FSHR: variants seen among roughly 807,000 people sequenced by gnomAD.
FSHR encodes the protein follicle stimulating hormone receptor.
FSHR carries 46 observed loss-of-function variants against 52.1 expected under a neutral mutation model. That is an observed-to-expected ratio of 0.88 (90% CI 0.70 to 1.13). FSHR has a LOEUF of 1.13. Ranked by LOEUF, FSHR falls within the 50% of genes most tolerant of loss-of-function variation. The pLI, the probability that FSHR is intolerant of heterozygous loss-of-function variation, is 0.00. For missense variants in FSHR, 964 were observed against 834.6 expected, an observed-to-expected ratio of 1.16 and a Z score of -1.91; for synonymous variants, 399 against 309.6, an observed-to-expected ratio of 1.29 and a Z score of -3.03.
At position 49,075,452 on chromosome 2, in the gene FSHR, C is replaced by G. The variant is rs1325468302; in HGVS notation, c.153-7162G>C. Among the ~76,000 whole-genome samples, 5 of 151,852 alleles carry G rather than the reference C, an allele frequency of 3.3e-5. No homozygotes were observed. In the East Asian group the frequency reaches 7.8e-4, roughly 24 times the overall value. On this transcript the variant is annotated intron_variant, in intron 1 of 9. Coordinates refer to ENST00000406846, the MANE Select transcript of FSHR (RefSeq NM_000145.4). ...TAAAAATAACAATAAACAAGATCAACAACAGCAAAAGCTAATTCTTTGGAA... is the reference window on the plus strand; with the variant it reads ...TAAAAATAACAATAAACAAGATCAAGAACAGCAAAAGCTAATTCTTTGGAA...
intron 1 of FSHR, among the ~76,000 whole-genome samples, chr2:49,151,508 T>A (rs2103862717): frequency 6.6e-6 from 1 of 152,216 alleles, no homozygotes; most frequent in East Asian, 1.9e-4. Flanking sequence ...TTAGCAATCT[T>A]TCGTGATAGC....
At chr2:49,114,083 T>C (rs993432143) in intron 1 of FSHR, among the ~76,000 whole-genome samples, 7 of 152,144 alleles carry the variant, frequency 4.6e-5, no homozygotes, top group Admixed American at 6.6e-5. Context: ...CCTCTCTCAC[T>C]GAAGACTTGC....
intron 1 of FSHR, among the ~76,000 whole-genome samples, chr2:49,087,984 A>G (rs1198290033): frequency 6.6e-6 from 1 of 152,220 alleles, no homozygotes; most frequent in Non-Finnish European, 1.5e-5. Context: ...CACTGTGCTA[A>G]ATATTTCATT....
intron 9 of FSHR, among the ~76,000 whole-genome samples, chr2:48,966,365 A>G (rs1488239813): frequency 6.6e-6 from 1 of 152,228 alleles, no homozygotes; most frequent in Non-Finnish European, 1.5e-5. Flanking sequence ...TTTTTATTGT[A>G]TTTAACATTA....
intron 1 of FSHR, among the ~76,000 whole-genome samples, chr2:49,092,389 C>A (rs1316174530): frequency 6.6e-6 from 1 of 152,132 alleles, no homozygotes; most frequent in Non-Finnish European, 1.5e-5. Context: ...ATTACCCTAG[C>A]AAAGGCTTCT....
chr2:49,103,949 G>C lies in FSHR; in HGVS notation c.153-35659C>G, dbSNP rs947204599. Among the ~76,000 whole-genome samples the C allele has an allele frequency of 2.0e-5, 3 of 149,922 alleles. No individual in the cohort carries two copies. The Admixed American group carries it at 2.0e-4, about 10-fold the overall frequency. ...TTTTCCCCAAAGCTCAAATGTCATG[G>C]ATTATTGTGACTAGGTGGGCTATGT... is the stretch of plus-strand genomic sequence containing the variant. On this transcript the variant is annotated intron_variant, in intron 1 of 9. Transcript: ENST00000406846.
intron 8 of FSHR, among the ~76,000 whole-genome samples, chr2:48,974,444 T>A (rs1674892132): frequency 1.3e-5 from 2 of 152,328 alleles, no homozygotes; most frequent in East Asian, 3.9e-4. Context: ...ACATGGTGGC[T>A]TTGATGCTGT....
intron 4 of FSHR, among the ~76,000 whole-genome samples, chr2:49,011,704 C>T (rs1667280696): frequency 6.6e-6 from 1 of 152,050 alleles, no homozygotes; most frequent in Non-Finnish European, 1.5e-5. Context: ...GCCGATTATA[C>T]AAGCTTATGC....
intron 1 of FSHR, among the ~76,000 whole-genome samples, chr2:49,110,392 C>G (rs997314552): frequency 6.6e-6 from 1 of 152,044 alleles, no homozygotes; most frequent in Non-Finnish European, 1.5e-5. Flanking sequence ...TCTCTGCATA[C>G]TAAAGTTCAG....
In FSHR at chr2:49,108,159, G is replaced by A. The variant is rs189901082; in HGVS notation, c.153-39869C>T. 7.9e-5 allele frequency among the ~76,000 whole-genome samples: 12 copies of A among 152,222 alleles called. No homozygotes were observed. In the East Asian group the frequency reaches 2.3e-3, roughly 29 times the overall value. On this transcript the variant is annotated intron_variant, in intron 1 of 9. Transcript: ENST00000406846. ...CATCCCTTTTGCTTCCTGCCTGCCTGCTTAAGCTGAGACACTGGTCTTCTC... is the reference window on the plus strand; with the variant it reads ...CATCCCTTTTGCTTCCTGCCTGCCTACTTAAGCTGAGACACTGGTCTTCTC...
At chr2:49,137,025 G>T (rs1672512364) in intron 1 of FSHR, among the ~76,000 whole-genome samples, 1 of 151,970 alleles carries the variant, frequency 6.6e-6, no homozygotes, top group African/African-American at 2.4e-5. Context: ...AATTAGACAA[G>T]AAAAAGTAAT....
At chr2:48,983,860 C>T (rs1675369180) in intron 6 of FSHR, among the ~76,000 whole-genome samples, 1 of 152,018 alleles carries the variant, frequency 6.6e-6, no homozygotes, top group Admixed American at 6.6e-5. Flanking sequence ...GTAGAACAGC[C>T]ATCCTGATTG....
chr2:49,005,531 T>C, intron 4 of FSHR, among the ~76,000 whole-genome samples: 1 of 152,230 alleles, frequency 6.6e-6, no homozygotes, highest in Admixed American at 6.5e-5. Context: ...ATGTCTGGAT[T>C]CTCGATGAGT....
At chr2:49,012,043 A>C (rs1484001483) in intron 4 of FSHR, among the ~76,000 whole-genome samples, 1 of 152,072 alleles carries the variant, frequency 6.6e-6, no homozygotes, top group East Asian at 1.9e-4. Flanking sequence ...AGCCATTAAC[A>C]GGCATCATAA....
At chr2:48,971,716 T>A (rs763146791) in intron 8 of FSHR, among the ~76,000 whole-genome samples, 2 of 152,244 alleles carry the variant, frequency 1.3e-5, no homozygotes, top group Non-Finnish European at 2.9e-5. Flanking sequence ...ACAATGATTT[T>A]GGATTTGTAT....
intron 1 of FSHR, among the ~76,000 whole-genome samples, chr2:49,135,082 A>G (rs995805254): frequency 1.3e-5 from 2 of 152,326 alleles, no homozygotes. Context: ...TCAAGTATAT[A>G]AAAGACTTGA....
intron 4 of FSHR, among the ~76,000 whole-genome samples, chr2:49,013,994 T>C (rs1488048532): frequency 6.6e-6 from 1 of 152,048 alleles, no homozygotes; most frequent in African/African-American, 2.4e-5. Context: ...ATTGTAAGGA[T>C]GCAATGGGAA....
At position 49,126,099 on chromosome 2, in the gene FSHR, G is replaced by A. The variant is rs557703685; in HGVS notation, c.152+28167C>T. Among the ~76,000 whole-genome samples the A allele has an allele frequency of 5.3e-5, 8 of 152,320 alleles. No individual in the cohort carries two copies. The South Asian group carries it at 1.4e-3, about 28-fold the overall frequency. On this transcript the variant is annotated intron_variant, in intron 1 of 9. Coordinates refer to ENST00000406846, the MANE Select transcript of FSHR (RefSeq NM_000145.4). ...AATGACAAAGCAGTAAAGGATCCGT[G>A]GAATGGTAAGTTGGGAAGGTGTCTT... is the stretch of plus-strand genomic sequence containing the variant.
intron 4 of FSHR, among the ~76,000 whole-genome samples, chr2:49,003,472 T>C (rs1258705893): frequency 6.6e-6 from 1 of 152,168 alleles, no homozygotes; most frequent in African/African-American, 2.4e-5. Context: ...AGACTTGCCC[T>C]TGGGGAAGAC....
Sources: gnomAD v4.1 joint callset for allele counts (sites outside exome capture counted in the v4.1 genomes callset) on GRCh38, gnomAD v4.1.1 for gene constraint, MANE v1.5 for transcripts, NCBI Gene and HGNC (gene_info 2026-07-23, HGNC 2026-07-21) for gene names.